Variants in C5AR1 observed in about 807,000 individuals in gnomAD.
C5AR1 encodes the protein complement C5a receptor 1.
Under a neutral mutation model 2.4 loss-of-function variants are expected in C5AR1, and 4 were observed. The ratio of observed to expected loss-of-function variants is 1.65; its 90% CI spans 0.81 to 3.77. The LOEUF is 3.77. Ranked by LOEUF, C5AR1 falls within the 30% of genes most tolerant of loss-of-function variation. The pLI is 0.01. For missense variants in C5AR1, 418 were observed against 462.5 expected, an observed-to-expected ratio of 0.90 and a Z score of 0.88; for synonymous variants, 209 against 210.4, an observed-to-expected ratio of 0.99 and a Z score of 0.06.
upstream of C5AR1, among the ~76,000 whole-genome samples, chr19:47,308,433 T>G (rs1267127884): frequency 6.6e-6 from 1 of 152,122 alleles, no homozygotes; most frequent in African/African-American, 2.4e-5. Flanking sequence ...TATATTACAA[T>G]GTAACAATAA....
At chr19:47,311,527 C>T (rs1452469204) in intron 1 of C5AR1, among the ~76,000 whole-genome samples, 1 of 147,786 alleles carries the variant, frequency 6.8e-6, no homozygotes. Flanking sequence ...AAAAAAAAAA[C>T]TCATTCTCCC....
At chr19:47,312,380 C>T (rs2059273749) in intron 1 of C5AR1, among the ~76,000 whole-genome samples, 1 of 152,212 alleles carries the variant, frequency 6.6e-6, no homozygotes, top group Admixed American at 6.5e-5. Flanking sequence ...GCCATCGCAC[C>T]CAGCCTCCTT....
chr19:47,319,304 ATTTTTTTTTTT>A (rs34731685), intron 1 of C5AR1, among the ~76,000 whole-genome samples: 1 of 94,138 alleles, frequency 1.1e-5, no homozygotes, highest in African/African-American at 4.3e-5. Context: ...GAATCATTTC[ATTTTTTTTTTT>A]TTTTTTTTTT....
At chr19:47,312,098 T>C (rs150197918) in intron 1 of C5AR1, among the ~76,000 whole-genome samples, 1 of 152,224 alleles carries the variant, frequency 6.6e-6, no homozygotes, top group East Asian at 1.9e-4. Context: ...TATCTTTTTG[T>C]TTTTTGAGAC....
chr19:47,320,819 C>A lies in C5AR1; in HGVS notation c.1042C>A (p.Gln348Lys). Residue 348 changes from glutamine (Q) to lysine (K), a missense_variant, in exon 2 of 2, where the codon CAG becomes AAG. Physicochemically the swap from Gln to Lys is moderately conservative, Grantham distance 53. Coordinates refer to ENST00000355085, the MANE Select transcript of C5AR1 (RefSeq NM_001736.4). This position sits in a 1 kb window ranked among gnomAD's most constrained non-coding sequence, Gnocchi z 4.9. ...AGTGGACACTATGGCCCAGAAGACCCAGGCAGTGTAGGCGACAGCCTCATG... is the reference window on the plus strand; with the variant it reads ...AGTGGACACTATGGCCCAGAAGACCAAGGCAGTGTAGGCGACAGCCTCATG... ...STVDTMAQKTQAV is the reference protein window; with the variant it reads ...STVDTMAQKTKAV The A allele has an allele frequency of 6.2e-7, 1 of 1,609,168 alleles. No homozygotes were observed. The highest frequency in any genetic ancestry group is 1.1e-5 in the South Asian group (1 of 90,958).
upstream of C5AR1, among the ~76,000 whole-genome samples, chr19:47,308,780 G>GTT (rs35218039): frequency 0.3 from 41,550 of 139,452 alleles, 5,969 homozygotes; most frequent in South Asian, 0.39. Flanking sequence ...GGTGACGATG[G>GTT]TTTTTTTTTT....
chr19:47,320,793 C>T lies in C5AR1; in HGVS notation c.1016C>T (p.Thr339Ile), dbSNP rs752273785. The T allele has an allele frequency of 6.2e-7, 1 of 1,613,980 alleles. No homozygotes were observed. Among genetic ancestry groups the T allele is most frequent in the South Asian group, 1.1e-5 (1 of 91,082 alleles). The change falls in exon 2 of 2, where the codon ACA (threonine) becomes ATA (isoleucine). Residue 339 changes from threonine (T) to isoleucine (I), a missense_variant. Physicochemically the swap from Thr to Ile is moderately conservative, Grantham distance 89. Coordinates refer to ENST00000355085, the MANE Select transcript of C5AR1 (RefSeq NM_001736.4). This position sits in a 1 kb window ranked among gnomAD's most constrained non-coding sequence, Gnocchi z 4.9. ...GAGAGCAAGTCATTCACGCGCTCCA[C>T]AGTGGACACTATGGCCCAGAAGACC... ...VRESKSFTRS[T>I]VDTMAQKTQA...
chr19:47,308,392 C>T (rs1331664102), upstream of C5AR1, among the ~76,000 whole-genome samples: 4 of 151,848 alleles, frequency 2.6e-5, no homozygotes, highest in African/African-American at 9.7e-5. Flanking sequence ...ACTGATTCTA[C>T]ATTATGTTGA....
chr19:47,313,944 C>T (rs183233585), intron 1 of C5AR1, among the ~76,000 whole-genome samples: 28 of 152,202 alleles, frequency 1.8e-4, no homozygotes, highest in African/African-American at 4.8e-4. Context: ...AGATAATACA[C>T]GAGAAAGGCT....
At chr19:47,314,396 C>G (rs2059279629) in intron 1 of C5AR1, among the ~76,000 whole-genome samples, 1 of 152,022 alleles carries the variant, frequency 6.6e-6, no homozygotes, top group Non-Finnish European at 1.5e-5. Context: ...TTTTATTTTA[C>G]TTTATTTATT....
At chr19:47,315,329 C>T (rs1443803826) in intron 1 of C5AR1, among the ~76,000 whole-genome samples, 2 of 152,158 alleles carry the variant, frequency 1.3e-5, no homozygotes, top group African/African-American at 4.8e-5. Context: ...AAGCCGTTTG[C>T]GTCTGAAGAT....
intron 1 of C5AR1, among the ~76,000 whole-genome samples, chr19:47,311,864 C>T (rs779181674): frequency 9.9e-5 from 15 of 151,930 alleles, no homozygotes; most frequent in Non-Finnish European, 2.2e-4. Flanking sequence ...CCCTACCTGG[C>T]CCTCTGACTC....
intron 1 of C5AR1, among the ~76,000 whole-genome samples, chr19:47,312,333 G>A (rs569867618): frequency 2.0e-4 from 31 of 151,830 alleles, no homozygotes; most frequent in Admixed American, 1.4e-3. Flanking sequence ...CAATCTTCCC[G>A]CCTTGGCCTC....
At chr19:47,315,088 AC>A (rs1286092869) in intron 1 of C5AR1, among the ~76,000 whole-genome samples, 2 of 151,710 alleles carry the variant, frequency 1.3e-5, no homozygotes, top group Non-Finnish European at 2.9e-5. Context: ...TTGCTAGGTT[AC>A]CCAGGCTGAT....
chr19:47,319,321 T>TC (rs1186595906), intron 1 of C5AR1, among the ~76,000 whole-genome samples: 2 of 146,152 alleles, frequency 1.4e-5, no homozygotes, highest in Non-Finnish European at 3.0e-5. Context: ...TTTTTTTTTT[T>TC]TTTTTGAGAC....
At chr19:47,307,952 A>C (rs1220907907), upstream of C5AR1, among the ~76,000 whole-genome samples, 1 of 151,334 alleles carries the variant, frequency 6.6e-6, no homozygotes, top group African/African-American at 2.4e-5. Flanking sequence ...CAGTGGCTCA[A>C]GCCTGTAATC....
chr19:47,316,362 T>G (rs2059288414), intron 1 of C5AR1: 1 of 152,172 alleles, frequency 6.6e-6, no homozygotes, highest in Admixed American at 6.6e-5. Context: ...ATCAGTCATC[T>G]ATCTGTCCAT....
chr19:47,309,953 T>C, intron 1 of C5AR1, 55 bp downstream of exon 1: 2 of 1,586,434 alleles, frequency 1.3e-6, no homozygotes, highest in Non-Finnish European at 1.7e-6. Flanking sequence ...CCCTCCCATC[T>C]TTGCTCCAGT....
Position 47,320,653 on chromosome 19 carries a change from C to G in C5AR1, c.876C>G (p.Asn292Lys). The change falls in exon 2 of 2, where the codon AAC becomes AAG. Residue 292 changes from asparagine (N) to lysine (K), a missense_variant. Coordinates refer to ENST00000355085, the MANE Select transcript of C5AR1 (RefSeq NM_001736.4). This position sits in a 1 kb window ranked among gnomAD's most constrained non-coding sequence, Gnocchi z 4.9. Reference protein sequence around the residue: ...DSLCVSFAYINCCINPIIYVV... With the variant: ...DSLCVSFAYIKCCINPIIYVV... ...TGTGTGTCTCCTTTGCCTACATCAA[C>G]TGCTGCATCAACCCCATCATCTACG... 1 of 1,614,210 alleles carries G rather than the reference C, an allele frequency of 6.2e-7. No individual in the cohort carries two copies. Among genetic ancestry groups the G allele is most frequent in the Non-Finnish European group, 8.5e-7 (1 of 1,180,042 alleles).
Sources: gnomAD v4.1 joint callset for allele counts (sites outside exome capture counted in the v4.1 genomes callset) on GRCh38, gnomAD v4.1.1 for gene constraint, Gnocchi (gnomAD v3.1) non-coding constraint, MANE v1.5 for transcripts, NCBI Gene and HGNC (gene_info 2026-07-23, HGNC 2026-07-21) for gene names.